The following UVSSA variants were observed in gnomAD, a reference collection of about 807,000 sequenced individuals.
UVSSA encodes the protein UV stimulated scaffold protein A, also known as UV-stimulated scaffold protein A.
A neutral mutation model predicts 73.9 loss-of-function variants in UVSSA; 72 were observed. That is an observed-to-expected ratio of 0.97 (90% CI 0.81 to 1.19). The LOEUF (loss-of-function observed/expected upper bound fraction) is 1.19, where lower values mean the gene tolerates loss of function less well. UVSSA is among the 50% of genes most tolerant of loss of function. The pLI, the probability that UVSSA is intolerant of heterozygous loss-of-function variation, is 0.00. For missense variants in UVSSA, 1,150 were observed against 965.0 expected, an observed-to-expected ratio of 1.19 and a Z score of -2.54; for synonymous variants, 454 against 391.3, an observed-to-expected ratio of 1.16 and a Z score of -1.89.
At chr4:1,362,784 G>A (rs1234684291) in intron 7 of UVSSA, among the ~76,000 whole-genome samples, 1 of 152,208 alleles carries the variant, frequency 6.6e-6, no homozygotes, top group Non-Finnish European at 1.5e-5. Context: ...GGGGCTTCGT[G>A]CGGGGCCTCA....
chr4:1,361,992 C>T (rs531325702), intron 7 of UVSSA, among the ~76,000 whole-genome samples: 1 of 152,264 alleles, frequency 6.6e-6, no homozygotes. Context: ...CCAGCTGTAT[C>T]TCCCAGCCTG....
At chr4:1,384,159 T>G in intron 13 of UVSSA, 1 of 572,524 alleles carries the variant, frequency 1.7e-6, no homozygotes, top group Non-Finnish European at 3.0e-6. Context: ...CCCCCCAGCA[T>G]TCCCCAGGAT....
In UVSSA at chr4:1,385,837, C is replaced by T. The variant is rs200406571; in HGVS notation, c.2037-31C>T. On this transcript the variant is annotated intron_variant, in intron 13 of 13. Coordinates refer to ENST00000389851, the MANE Select transcript of UVSSA (RefSeq NM_020894.4). ...AGCCCAGGCCCCTGGCGGAAGCCTC[C>T]CAGGTCACATCTTGCCTTGTTTCCC... The T allele has an allele frequency of 3.1e-6, 5 of 1,613,184 alleles. No individual in the cohort carries two copies. The Admixed American group carries it at 8.3e-5, about 27-fold the overall frequency.
Position 1,375,403 on chromosome 4 carries a change from G to T in UVSSA, c.1328G>T (p.Cys443Phe), listed in dbSNP as rs1718637044. The T allele has an allele frequency of 5.0e-6, 8 of 1,613,618 alleles. No individual in the cohort carries two copies. The South Asian group carries it at 8.8e-5, about 18-fold the overall frequency. The change falls in exon 9 of 14, where the codon TGC becomes TTC. Residue 443 changes from cysteine to phenylalanine, a missense_variant. Physicochemically the swap from Cys to Phe is radical, Grantham distance 205 (BLOSUM62 -2). Coordinates refer to ENST00000389851, the MANE Select transcript of UVSSA (RefSeq NM_020894.4). ...AAPEKDTVVR[C>F]LRTRTRMDEE... is the part of the protein sequence containing the mutation. Reference sequence around the variant, plus strand: ...CCAGAGAAAGACACAGTTGTGCGGTGCTTGCGGACGAGGACGAGGATGGAC... The same window carrying T: ...CCAGAGAAAGACACAGTTGTGCGGTTCTTGCGGACGAGGACGAGGATGGAC...
At chr4:1,345,044 T>C (rs12650998), upstream of UVSSA, among the ~76,000 whole-genome samples, 69,026 of 151,530 alleles carry the variant, frequency 0.46, 16,252 homozygotes, top group Non-Finnish European at 0.52. Context: ...ATGGGAGCCG[T>C]CGGAGGATTT....
chr4:1,385,124 C>T lies in UVSSA; in HGVS notation c.2037-744C>T, dbSNP rs1268028262. On this transcript the variant is annotated intron_variant, in intron 13 of 13. Coordinates refer to ENST00000389851, the MANE Select transcript of UVSSA (RefSeq NM_020894.4). ...CCCATGCCAGGCCTCCTCCCTGTGT[C>T]TCATGGGGACACTGAAGCCCATGGC... The T allele has an allele frequency of 2.0e-5, 3 of 152,362 alleles. No homozygotes were observed. In the East Asian group the frequency reaches 5.8e-4, roughly 29 times the overall value. 9.4% of individuals were successfully genotyped at this position (152,362 alleles called of 1,614,324 possible).
At position 1,375,441 on chromosome 4, in the gene UVSSA, G is replaced by C; in HGVS notation, c.1366G>C (p.Asp456His). 6.2e-6 allele frequency: 10 copies of C among 1,613,364 alleles called. No homozygotes were observed. The highest frequency in any genetic ancestry group is 7.6e-6 in the Non-Finnish European group (9 of 1,180,008). The change falls in exon 9 of 14, where the codon GAC (aspartate) becomes CAC (histidine). Residue 456 changes from aspartate to histidine, a missense_variant. Coordinates refer to ENST00000389851, the MANE Select transcript of UVSSA (RefSeq NM_020894.4). ...GACGAGGATGGACGAGGAGGTGTCG[G>C]ACCCCACCTCTGCGGCTGCTCAGCT... Reference protein sequence around the residue: ...TRTRMDEEVSDPTSAAAQLRQ... With the variant: ...TRTRMDEEVSHPTSAAAQLRQ...
At chr4:1,361,623 C>T (rs1453287109) in intron 7 of UVSSA, among the ~76,000 whole-genome samples, 2 of 152,260 alleles carry the variant, frequency 1.3e-5, no homozygotes, top group African/African-American at 2.4e-5. Flanking sequence ...TCTCAAGGTG[C>T]GTCCCTGGCA....
At chr4:1,346,476 GGACT>G (rs1713698487), upstream of UVSSA, among the ~76,000 whole-genome samples, 1 of 152,214 alleles carries the variant, frequency 6.6e-6, no homozygotes, top group Admixed American at 6.5e-5. Context: ...TCGAGGCTGC[GGACT>G]TCGGCGGCAG....
chr4:1,348,281 A>T (rs2109048175), intron 2 of UVSSA, 92 bp downstream of exon 2: 1 of 979,544 alleles, frequency 1.0e-6, no homozygotes, highest in East Asian at 2.4e-5. Context: ...CCTGGGAGAG[A>T]ACCACCCGAG....
rs548483790 is a variant in UVSSA, at chr4:1,386,579, T to C, written c.*618T>C. ...CCATGCGGAAGCTTGTGCACCCATG[T>C]TCACAGCAGCATTGGAGAAGGATAC... On this transcript the variant is annotated 3_prime_UTR_variant, in exon 14 of 14. Transcript: ENST00000389851. 1 of 152,632 alleles carries C rather than the reference T, an allele frequency of 6.6e-6. No individual in the cohort carries two copies. Among genetic ancestry groups the C allele is most frequent in the Non-Finnish European group, 1.5e-5 (1 of 68,338 alleles). 9.5% of individuals were successfully genotyped at this position (152,632 alleles called of 1,614,324 possible).
At chr4:1,383,644 C>T (rs1283932897) in intron 12 of UVSSA, 122 bp from the exon 13 acceptor site, 13 of 1,180,596 alleles carry the variant, frequency 1.1e-5, no homozygotes, top group Admixed American at 2.0e-5. Flanking sequence ...CAGGGTACGG[C>T]CGTGGGCAAG....
intron 7 of UVSSA, among the ~76,000 whole-genome samples, chr4:1,361,839 G>A (rs1366814537): frequency 2.0e-5 from 3 of 151,706 alleles, no homozygotes; most frequent in Non-Finnish European, 4.4e-5. Flanking sequence ...CTTGTCTGAC[G>A]AGGCCTTACA....
intron 7 of UVSSA, among the ~76,000 whole-genome samples, chr4:1,356,420 C>T (rs754734372): frequency 1.6e-4 from 25 of 152,204 alleles, no homozygotes; most frequent in Non-Finnish European, 2.9e-4. Flanking sequence ...TCCTTTAAGT[C>T]CGAAACTGAC....
intron 8 of UVSSA, 46 bp from the exon 9 acceptor site, chr4:1,375,318 C>A (rs372264424): frequency 1.9e-5 from 30 of 1,605,660 alleles, no homozygotes; most frequent in Non-Finnish European, 2.2e-5. Context: ...ATGTGCCTGG[C>A]GGGTTGTGGG....
At chr4:1,363,944 C>A (rs1363342677) in intron 7 of UVSSA, among the ~76,000 whole-genome samples, 1 of 152,242 alleles carries the variant, frequency 6.6e-6, no homozygotes, top group East Asian at 1.9e-4. Context: ...GGTGTGGGGG[C>A]CACCTCCCGG....
intron 8 of UVSSA, among the ~76,000 whole-genome samples, chr4:1,368,627 C>G (rs374414265): frequency 6.6e-6 from 1 of 152,384 alleles, no homozygotes; most frequent in Non-Finnish European, 1.5e-5. Flanking sequence ...GACGCCTGCT[C>G]TGACACAGCC....
Position 1,353,378 on chromosome 4 carries a change from C to CCA in UVSSA, c.899_900insCA (p.His301SerfsTer15), listed in dbSNP as rs772619822. On this transcript the variant is annotated frameshift_variant, in exon 5 of 14. Transcript: ENST00000389851. LOFTEE classifies it high-confidence loss of function. The stretch of plus-strand genomic sequence containing the variant: ...TTTGTGCGGAGCCACGGGCTGGGCT[C>CCA]GCACAAGTACACGCTGGATGTGGAG... The CCA allele has an allele frequency of 8.1e-6, 13 of 1,598,348 alleles. No homozygotes were observed. The South Asian group carries it at 1.5e-4, about 18-fold the overall frequency.
At chr4:1,361,725 G>T (rs959242856) in intron 7 of UVSSA, among the ~76,000 whole-genome samples, 1 of 152,218 alleles carries the variant, frequency 6.6e-6, no homozygotes, top group East Asian at 1.9e-4. Context: ...ATGCAATGAC[G>T]ACCATCACAG....
Sources: allele counts gnomAD v4.1 joint callset (sites outside exome capture counted in the v4.1 genomes callset), GRCh38; gene constraint gnomAD v4.1.1; transcripts MANE v1.5; gene names NCBI Gene and HGNC (gene_info 2026-07-23, HGNC 2026-07-21).